CSPP1: variants seen among roughly 807,000 people sequenced by gnomAD.
CSPP1 encodes the protein centrosome and spindle pole associated protein 1.
CSPP1 carries 126 observed loss-of-function variants against 164.4 expected under a neutral mutation model. The ratio of observed to expected loss-of-function variants is 0.77; its 90% CI spans 0.66 to 0.89. CSPP1 has a LOEUF of 0.89. CSPP1 is among the 40% of genes least tolerant of loss of function. The probability of loss-of-function intolerance (pLI) is 0.00; values close to 1 mark genes in which losing one functional copy is unlikely to be tolerated. For missense variants in CSPP1, 1,395 were observed against 1,449.8 expected (o/e 0.96, Z 0.61); for synonymous variants, 472 against 476.7 (o/e 0.99, Z 0.13).
At chr8:67,121,186 A>G (rs1175705681) in intron 15 of CSPP1, among the ~76,000 whole-genome samples, 7 of 152,060 alleles carry the variant, frequency 4.6e-5, no homozygotes, top group Non-Finnish European at 8.8e-5. Flanking sequence ...TTTCTTAATT[A>G]CCCTGACTAG....
Position 67,118,307 on chromosome 8 carries a change from C to A in CSPP1, c.1556C>A (p.Pro519His). 1 of 1,613,576 alleles carries A rather than the reference C, an allele frequency of 6.2e-7. No individual in the cohort carries two copies. The highest frequency in any genetic ancestry group is 8.5e-7 in the Non-Finnish European group (1 of 1,179,564). ...LPPLATNYRT[P>H]YDDAYYFYGS... ...CCTTTGGCTACTAACTATCGAACTC[C>A]TTATGATGATGCATACTATTTTTAT... The change falls in exon 14 of 31, where the codon CCT becomes CAT. Residue 519 changes from proline (P) to histidine (H), a missense_variant. Coordinates refer to ENST00000678616, the MANE Select transcript of CSPP1 (RefSeq NM_001382391.1).
At chr8:67,194,014 T>C (rs1375844972) in intron 30 of CSPP1, among the ~76,000 whole-genome samples, 1 of 152,252 alleles carries the variant, frequency 6.6e-6, no homozygotes, top group African/African-American at 2.4e-5. Flanking sequence ...TACCTTCTTC[T>C]TTGGCTTTCC....
At chr8:67,148,757 G>T (rs142736318) in intron 17 of CSPP1, among the ~76,000 whole-genome samples, 1 of 152,098 alleles carries the variant, frequency 6.6e-6, no homozygotes, top group African/African-American at 2.4e-5. Flanking sequence ...TGGTTTGTTT[G>T]TTTTATGGAA....
At chr8:67,116,683 A>G (rs1164058133) in intron 13 of CSPP1, among the ~76,000 whole-genome samples, 1 of 152,214 alleles carries the variant, frequency 6.6e-6, no homozygotes, top group African/African-American at 2.4e-5. Flanking sequence ...GCATCACACT[A>G]TAATAGAATA....
chr8:67,069,477 AG>A (rs1191098190), intron 1 of CSPP1, among the ~76,000 whole-genome samples: 1 of 152,206 alleles, frequency 6.6e-6, no homozygotes, highest in East Asian at 1.9e-4. Flanking sequence ...GTAAAGAGAA[AG>A]ATAAGCATCT....
intron 9 of CSPP1, among the ~76,000 whole-genome samples, chr8:67,111,716 G>A (rs1816878457): frequency 6.6e-6 from 1 of 152,136 alleles, no homozygotes; most frequent in Non-Finnish European, 1.5e-5. Flanking sequence ...AGAACATTCT[G>A]TTATTTAGGA....
intron 1 of CSPP1, among the ~76,000 whole-genome samples, chr8:67,073,327 A>G (rs945066408): frequency 2.0e-5 from 3 of 152,198 alleles, no homozygotes; most frequent in African/African-American, 7.2e-5. Context: ...GTGAGAATGC[A>G]TAATCTAAAT....
At chr8:67,139,816 G>A (rs1164565994) in intron 17 of CSPP1, among the ~76,000 whole-genome samples, 1 of 152,116 alleles carries the variant, frequency 6.6e-6, no homozygotes, top group African/African-American at 2.4e-5. Flanking sequence ...ACACAGGAAG[G>A]GGAACATCAC....
chr8:67,133,284 C>T (rs960264555), intron 16 of CSPP1, among the ~76,000 whole-genome samples: 6 of 152,208 alleles, frequency 3.9e-5, no homozygotes, highest in Non-Finnish European at 7.4e-5. Context: ...ACAGAACAAC[C>T]CTGCGCTTAT....
At chr8:67,151,336 C>G (rs1825649485) in intron 18 of CSPP1, among the ~76,000 whole-genome samples, 1 of 152,132 alleles carries the variant, frequency 6.6e-6, no homozygotes, top group Non-Finnish European at 1.5e-5. Flanking sequence ...CATCACAACA[C>G]CTTTTCATAT....
intron 11 of CSPP1, 190 bp downstream of exon 11, chr8:67,114,052 CT>C (rs1326773136): frequency 2.3e-6 from 1 of 439,438 alleles, no homozygotes. Flanking sequence ...GTAATTTTTC[CT>C]TTTTCATTTG....
At chr8:67,160,881 C>G (rs1828213014) in intron 21 of CSPP1, among the ~76,000 whole-genome samples, 1 of 151,908 alleles carries the variant, frequency 6.6e-6, no homozygotes, top group Non-Finnish European at 1.5e-5. Flanking sequence ...GGCTGGAGTG[C>G]AGTGGTGCAA....
chr8:67,187,518 C>A (rs1453266377), intron 28 of CSPP1, among the ~76,000 whole-genome samples: 1 of 151,458 alleles, frequency 6.6e-6, no homozygotes, highest in Non-Finnish European at 1.5e-5. Context: ...CTTGTCTCTA[C>A]AAAAAAAATA....
chr8:67,091,488 T>G (rs1439153654), intron 4 of CSPP1, among the ~76,000 whole-genome samples: 1 of 152,242 alleles, frequency 6.6e-6, no homozygotes, highest in East Asian at 1.9e-4. Flanking sequence ...GAAGAGTACA[T>G]GCTTAGAAGA....
Position 67,086,070 on chromosome 8 carries a change from A to C in CSPP1, c.263A>C (p.Lys88Thr), listed in dbSNP as rs1191080742. The C allele has an allele frequency of 6.6e-7, 1 of 1,520,490 alleles. No homozygotes were observed. Among genetic ancestry groups the C allele is most frequent in the Non-Finnish European group, 9.1e-7 (1 of 1,094,928 alleles). The allele number at this position is 1,520,490 out of a possible 1,614,324, so 94.2% of individuals were successfully genotyped here. A position where few individuals can be genotyped will look rare whatever the true frequency, so the allele number is the denominator to read the frequency against. ...TATGAACGGAAGAAACATAAATTAA[A>C]AGAAGAATTGCGGCAAGATTACAGA... ...EDYERKKHKL[K>T]EELRQDYRRY... The change falls in exon 4 of 31, where the codon AAA becomes ACA. Residue 88 changes from lysine (K) to threonine (T), a missense_variant. Transcript: ENST00000678616.
At chr8:67,122,492 G>A (rs1009267770) in intron 15 of CSPP1, among the ~76,000 whole-genome samples, 5 of 151,954 alleles carry the variant, frequency 3.3e-5, no homozygotes, top group Admixed American at 1.3e-4. Context: ...TCAACCTGTT[G>A]GTTATTTTGA....
chr8:67,103,023 A>G lies in CSPP1; in HGVS notation c.924-14A>G. On this transcript the variant is annotated splice_polypyrimidine_tract_variant and intron_variant, in intron 7 of 30. Transcript: ENST00000678616. ...GTATGTGGCACATGCTTTATAAGCT[A>G]ATGTGTTTTTAAGGATGCACAGGAA... is the stretch of plus-strand genomic sequence containing the variant. 6.6e-7 allele frequency: 1 copy of G among 1,507,338 alleles called. No homozygotes were observed. The highest frequency in any genetic ancestry group is 9.2e-7 in the Non-Finnish European group (1 of 1,083,120). 93.4% of individuals were successfully genotyped at this position (1,507,338 alleles called of 1,614,324 possible). A position where few individuals can be genotyped will look rare whatever the true frequency, so the allele number is the denominator to read the frequency against.
intron 4 of CSPP1, chr8:67,086,880 TTTTC>T (rs1229152788): frequency 2.4e-6 from 3 of 1,276,386 alleles, no homozygotes; most frequent in Non-Finnish European, 3.1e-6. Context: ...TCCTTCAGTT[TTTTC>T]TTTCTTTTTT....
intron 24 of CSPP1, among the ~76,000 whole-genome samples, chr8:67,167,211 A>C (rs1311894718): frequency 6.6e-6 from 1 of 152,218 alleles, no homozygotes; most frequent in Non-Finnish European, 1.5e-5. Flanking sequence ...AATCATCATC[A>C]TGGCCCGTTC....
Sources: gnomAD v4.1 joint callset for allele counts (sites outside exome capture counted in the v4.1 genomes callset) on GRCh38, gnomAD v4.1.1 for gene constraint, MANE v1.5 for transcripts, NCBI Gene and HGNC (gene_info 2026-07-23, HGNC 2026-07-21) for gene names.